Variants in ARFGEF2 observed in about 807,000 individuals in gnomAD.
ARFGEF2 encodes the protein ARF guanine nucleotide exchange factor 2, also known as brefeldin A-inhibited guanine nucleotide-exchange protein 2.
ARFGEF2 carries 74 observed loss-of-function variants against 219.9 expected under a neutral mutation model. The ratio of observed to expected loss-of-function variants is 0.34; its 90% confidence interval spans 0.28 to 0.41. The LOEUF (loss-of-function observed/expected upper bound fraction) is 0.41, where lower values mean the gene tolerates loss of function less well. Among genes scored for constraint, ARFGEF2 ranks in the 10% least tolerant of loss-of-function variants. The pLI is 1.00. For missense variants in ARFGEF2, 1,743 were observed against 2,218.3 expected, an observed-to-expected ratio of 0.79 and a Z score of 4.30; for synonymous variants, 733 against 799.2, an observed-to-expected ratio of 0.92 and a Z score of 1.40.
rs2090840640 is a variant in ARFGEF2 at position 48,921,762 on chromosome 20, C to G, written c.-128C>G. On this transcript the variant is annotated 5_prime_UTR_variant, in exon 1 of 39. Coordinates refer to ENST00000371917, the MANE Select transcript of ARFGEF2 (RefSeq NM_006420.3). ...TGGCGGCGCCGTGGGGCCGAGGTGT[C>G]GCTTCCTGACGGGGCGGCGCGGACG... 4.9e-6 allele frequency: 5 copies of G among 1,026,568 alleles called. No individual in the cohort carries two copies. Among genetic ancestry groups the G allele is most frequent in the East Asian group, 5.2e-5 (1 of 19,256 alleles). 63.6% of individuals were successfully genotyped at this position (1,026,568 alleles called of 1,614,324 possible). A position where few individuals can be genotyped will look rare whatever the true frequency, so the allele number is the denominator to read the frequency against.
chr20:48,972,524 G>T, intron 11 of ARFGEF2, 99 bp downstream of exon 11: 1 of 981,390 alleles, frequency 1.0e-6, no homozygotes, highest in Non-Finnish European at 1.6e-6. Flanking sequence ...GAGTTTTAAA[G>T]GATTGGCAAT....
intron 1 of ARFGEF2, among the ~76,000 whole-genome samples, chr20:48,928,844 C>T (rs1341207338): frequency 6.6e-6 from 1 of 152,172 alleles, no homozygotes; most frequent in African/African-American, 2.4e-5. Flanking sequence ...CTTTCTCTAC[C>T]TCCCCTATTA....
At chr20:49,005,346 A>G in intron 26 of ARFGEF2, 125 bp downstream of exon 26, 1 of 1,167,420 alleles carries the variant, frequency 8.6e-7, no homozygotes, top group Non-Finnish European at 1.3e-6. Flanking sequence ...TAGAATGAAT[A>G]GACTGTGATT....
intron 6 of ARFGEF2, among the ~76,000 whole-genome samples, chr20:48,959,414 TCCC>T (rs2091125856): frequency 7.6e-6 from 1 of 132,024 alleles, no homozygotes; most frequent in Non-Finnish European, 1.6e-5. Context: ...CTTCCTTCCC[TCCC>T]TCCCTCCCTT....
rs1457968586 is a variant in ARFGEF2, at chr20:48,995,800, G to A, written c.3139G>A (p.Gly1047Arg). ...GLGLGNLVSG[G>R]VDKRQMASFQ... ...TGTTTCAGGTAATTTGGTGAGTGGC[G>A]GAGTGGATAAAAGACAGATGGCCAG... The change falls in exon 23 of 39, where the codon GGA (glycine) becomes AGA (arginine). Residue 1047 changes from glycine (G) to arginine (R), a missense_variant. Physicochemically the swap from Gly to Arg is moderately radical, Grantham distance 125 (BLOSUM62 -2). This residue lies in a region of ARFGEF2 where 666 missense variants were observed against 955.4 expected (regional missense o/e 0.70). Coordinates refer to ENST00000371917, the MANE Select transcript of ARFGEF2 (RefSeq NM_006420.3). 4.3e-6 allele frequency: 7 copies of A among 1,614,072 alleles called. No individual in the cohort carries two copies. The highest frequency in any genetic ancestry group is 1.7e-5 in the Admixed American group (1 of 60,014).
chr20:49,007,036 C>A (rs1209903318), intron 26 of ARFGEF2, among the ~76,000 whole-genome samples: 1 of 152,050 alleles, frequency 6.6e-6, no homozygotes, highest in Non-Finnish European at 1.5e-5. Context: ...TAAAGGATCA[C>A]CCTGCATTTA....
At chr20:48,954,000 A>C (rs910388211) in intron 6 of ARFGEF2, among the ~76,000 whole-genome samples, 3 of 152,226 alleles carry the variant, frequency 2.0e-5, no homozygotes, top group Non-Finnish European at 4.4e-5. Context: ...GTTTTCTCTA[A>C]ATAGTACTGG....
At chr20:48,987,478 T>G (rs145726633) in intron 16 of ARFGEF2, among the ~76,000 whole-genome samples, 3 of 152,346 alleles carry the variant, frequency 2.0e-5, no homozygotes, top group African/African-American at 7.2e-5. Flanking sequence ...TTTCTACTAT[T>G]AAATGTTATA....
intron 7 of ARFGEF2, 147 bp downstream of exon 7, chr20:48,964,045 CT>C: frequency 1.3e-6 from 1 of 760,622 alleles, no homozygotes; most frequent in Non-Finnish European, 2.3e-6. Flanking sequence ...GTCTGCCCAT[CT>C]TTTATATGGG....
intron 1 of ARFGEF2, among the ~76,000 whole-genome samples, chr20:48,922,665 A>T (rs1249980235): frequency 6.6e-6 from 1 of 152,250 alleles, no homozygotes; most frequent in Non-Finnish European, 1.5e-5. Context: ...TGCCTGGCGC[A>T]CAGTAGGTGC....
At chr20:48,993,506 G>C (rs1568726470) in intron 21 of ARFGEF2, among the ~76,000 whole-genome samples, 1 of 152,220 alleles carries the variant, frequency 6.6e-6, no homozygotes, top group Non-Finnish European at 1.5e-5. Flanking sequence ...GTGCTCAGTG[G>C]TATAGTGGAG....
intron 3 of ARFGEF2, among the ~76,000 whole-genome samples, chr20:48,947,925 A>G (rs1417685440): frequency 6.6e-6 from 1 of 152,216 alleles, no homozygotes; most frequent in African/African-American, 2.4e-5. Flanking sequence ...TGACAGGACA[A>G]TTGGAAAAAT....
intron 28 of ARFGEF2, among the ~76,000 whole-genome samples, chr20:49,013,119 T>C (rs1391068736): frequency 6.6e-6 from 1 of 152,226 alleles, no homozygotes; most frequent in Non-Finnish European, 1.5e-5. Flanking sequence ...GTGAGAATTG[T>C]TAATCCATGA....
At chr20:48,936,596 C>T (rs966154271) in intron 1 of ARFGEF2, among the ~76,000 whole-genome samples, 2 of 152,178 alleles carry the variant, frequency 1.3e-5, no homozygotes, top group African/African-American at 4.8e-5. Flanking sequence ...ATGATCTCAG[C>T]TCACTGCGCC....
chr20:48,992,231 G>T (rs990306135), intron 21 of ARFGEF2, among the ~76,000 whole-genome samples: 1 of 152,242 alleles, frequency 6.6e-6, no homozygotes, highest in Non-Finnish European at 1.5e-5. Context: ...AGAGAATGCA[G>T]TTTGAAAGGA....
chr20:48,959,586 C>T (rs1172521079), intron 6 of ARFGEF2, among the ~76,000 whole-genome samples: 4 of 104,752 alleles, frequency 3.8e-5, no homozygotes, highest in Non-Finnish European at 2.0e-5. Flanking sequence ...TCCTTCCCTC[C>T]CTCCCTCTTT....
intron 8 of ARFGEF2, among the ~76,000 whole-genome samples, chr20:48,968,268 C>G (rs1359267539): frequency 6.6e-6 from 1 of 152,192 alleles, no homozygotes; most frequent in African/African-American, 2.4e-5. Context: ...GCTGGGATTA[C>G]AGGCGTGAGC....
In ARFGEF2 at chr20:48,981,215, GA is replaced by G. The variant is rs929311927; in HGVS notation, c.1959-3513del. 4.5e-4 allele frequency among the ~76,000 whole-genome samples: 68 copies of G among 152,254 alleles called. 1 individual carries two copies. Among genetic ancestry groups the G allele is most frequent in the African/African-American group, 1.6e-3 (68 of 41,548 alleles). ...TCTCAGCATTTGCTTGTCTGTAAAA[GA>G]TTTTATTTCTCCTTCACTTATGAAG... On this transcript the variant is annotated intron_variant, in intron 14 of 38. Coordinates refer to ENST00000371917, the MANE Select transcript of ARFGEF2 (RefSeq NM_006420.3).
At chr20:48,976,250 C>G in intron 14 of ARFGEF2, 51 bp downstream of exon 14, 1 of 1,600,692 alleles carries the variant, frequency 6.2e-7, no homozygotes, top group South Asian at 1.1e-5. Context: ...GCCATATTTT[C>G]TCTGGGAACC....
Sources: allele counts gnomAD v4.1 joint callset (sites outside exome capture counted in the v4.1 genomes callset), GRCh38; gene constraint gnomAD v4.1.1; regional missense constraint gnomAD v4.1.1; transcripts MANE v1.5; gene names NCBI Gene and HGNC (gene_info 2026-07-23, HGNC 2026-07-21).